The following CBARP variants were observed in gnomAD, a reference collection of about 807,000 sequenced individuals.
The protein encoded by CBARP is CACN subunit beta associated regulatory protein, also known as voltage-dependent calcium channel beta subunit-associated regulatory protein.
CBARP carries 24 observed loss-of-function variants against 36.3 expected under a neutral mutation model. The observed-to-expected ratio is 0.66, with a 90% CI of 0.48 to 0.93. CBARP has a LOEUF of 0.93. Ranked by LOEUF, CBARP falls within the 40% of genes least tolerant of loss-of-function variation. The pLI, the probability that CBARP is intolerant of heterozygous loss-of-function variation, is 0.00. For synonymous variants in CBARP, 586 were observed against 453.2 expected, an observed-to-expected ratio of 1.29 and a Z score of -3.72; for missense variants, 1,146 against 980.4, an observed-to-expected ratio of 1.17 and a Z score of -2.26.
chr19:1,230,033 C>T lies in CBARP; in HGVS notation c.1264G>A (p.Glu422Lys). The change falls in exon 10 of 10, where the codon GAG becomes AAG. Residue 422 changes from glutamate to lysine, a missense_variant. Physicochemically the swap from Glu to Lys is moderately conservative, Grantham distance 56 (BLOSUM62 1). Coordinates refer to ENST00000650044, the MANE Select transcript of CBARP (RefSeq NM_001393918.1). The stretch of plus-strand genomic sequence containing the variant: ...GCCTGCTCGGGGCCCGCGTCCCGCT[C>T]GGCGTCCGGCTCCAGTGGCGGCTGC... The part of the protein sequence containing the change: ...QQQPPLEPDA[E>K]RDAGPEQAQT... 1.6e-6 allele frequency: 2 copies of T among 1,223,878 alleles called. No homozygotes were observed. Among genetic ancestry groups the T allele is most frequent in the South Asian group, 1.3e-5 (1 of 74,320 alleles). 75.8% of individuals were successfully genotyped at this position (1,223,878 alleles called of 1,614,324 possible). A position where few individuals can be genotyped will look rare whatever the true frequency, so the allele number is the denominator to read the frequency against.
In CBARP at chr19:1,234,709, C is replaced by T. The variant is rs996327346; in HGVS notation, c.489G>A (p.Leu163=). 1.5e-5 allele frequency: 24 copies of T among 1,613,086 alleles called. No homozygotes were observed. The highest frequency in any genetic ancestry group is 2.7e-5 in the African/African-American group (2 of 74,906). Residue 163 remains leucine (L), a synonymous_variant, in exon 6 of 10, where the codon CTG becomes CTA. Coordinates refer to ENST00000650044, the MANE Select transcript of CBARP (RefSeq NM_001393918.1). ...GCAGGTGCGTGAGCCGGGCATTCTT[C>T]AGGTGGTGGAAGTCCCCCTCCGTCA... ...YTLTEGDFHH[L]KNARLTHLHL...
At position 1,229,734 on chromosome 19, in the gene CBARP, G is replaced by A. The variant is rs2080864725; in HGVS notation, c.1563C>T (p.Ala521=). 3 of 987,152 alleles carry A rather than the reference G, an allele frequency of 3.0e-6. 1 individual carries two copies. The South Asian group carries it at 1.2e-4, about 40-fold the overall frequency. 61.1% of individuals were successfully genotyped at this position (987,152 alleles called of 1,614,324 possible). ...RGAGDDTEPP[A]APARPRSPRA... ...GCGGGCTGCGGGGCCGGGCGGGCGC[G>A]GCAGGTGGCTCGGTGTCGTCGCCTG... The change falls in exon 10 of 10, where the codon GCC becomes GCT. Residue 521 remains alanine (A), a synonymous_variant. Coordinates refer to ENST00000650044, the MANE Select transcript of CBARP (RefSeq NM_001393918.1). This position sits in a 1 kb window ranked among gnomAD's most constrained non-coding sequence, Gnocchi z 5.1.
chr19:1,237,932 GGCGCGCCCGCTCC>G lies in CBARP; in HGVS notation c.-211_-199del, dbSNP rs958475492. The G allele has an allele frequency of 6.8e-6, 1 of 146,912 alleles. No individual in the cohort carries two copies. The highest frequency in any genetic ancestry group is 1.5e-5 in the Non-Finnish European group (1 of 66,038). The allele number at this position is 146,912 out of a possible 1,614,324, so 9.1% of individuals were successfully genotyped here. A position where few individuals can be genotyped will look rare whatever the true frequency, so the allele number is the denominator to read the frequency against. ...GGGCCGCGCACGTGACCGCGTTGGCGGCGCGCCCGCTCCGCGCGCCCGGTGCTGCCCGGTCCCC... is the reference window on the plus strand; with the variant it reads ...GGGCCGCGCACGTGACCGCGTTGGCGGCGCGCCCGGTGCTGCCCGGTCCCC... On this transcript the variant is annotated 5_prime_UTR_variant, in exon 1 of 10. Coordinates refer to ENST00000650044, the MANE Select transcript of CBARP (RefSeq NM_001393918.1).
Position 1,234,642 on chromosome 19 carries a change from A to C in CBARP, c.556T>G (p.Ser186Ala), listed in dbSNP as rs573391306. ...LKIVTIHECD[S>A]GEASSATTPH... is the part of the protein sequence containing the mutation. ...GTGGTGGCTGAGCTGGCCTCGCCTG[A>C]GTCACACTCGTGGATGGTGACAATC... The change falls in exon 6 of 10, where the codon TCA becomes GCA. Residue 186 changes from serine to alanine, a missense_variant. Transcript: ENST00000650044. 1 of 1,611,292 alleles carries C rather than the reference A, an allele frequency of 6.2e-7. No individual in the cohort carries two copies. Among genetic ancestry groups the C allele is most frequent in the South Asian group, 1.1e-5 (1 of 90,312 alleles).
chr19:1,229,550 G>A lies in CBARP; in HGVS notation c.1747C>T (p.Arg583Cys). The A allele has an allele frequency of 9.9e-7, 1 of 1,007,016 alleles. No individual in the cohort carries two copies. The highest frequency in any genetic ancestry group is 1.2e-6 in the Non-Finnish European group (1 of 840,050). 62.4% of individuals were successfully genotyped at this position (1,007,016 alleles called of 1,614,324 possible). The change falls in exon 10 of 10, where the codon CGT (arginine) becomes TGT (cysteine). Residue 583 changes from arginine to cysteine, a missense_variant. Arg to Cys is a radical substitution (Grantham distance 180). Transcript: ENST00000650044. The surrounding 1 kb of genome is among the most constrained non-coding windows in gnomAD (Gnocchi z 5.1). ...AHPHARKQWQRGRQHSDPGAR... is the reference protein window; with the variant it reads ...AHPHARKQWQCGRQHSDPGAR... ...CCGGGGTCGCTGTGCTGCCGGCCAC[G>A]CTGCCACTGTTTGCGGGCGTGCGGG...
rs1410240896 is a variant in CBARP, at chr19:1,231,142, G to A, written c.1113C>T (p.His371=). The A allele has an allele frequency of 7.5e-6, 12 of 1,601,302 alleles. No individual in the cohort carries two copies. Among genetic ancestry groups the A allele is most frequent in the South Asian group, 2.2e-5 (2 of 90,550 alleles). The change falls in exon 9 of 10, where the codon CAC becomes CAT. Residue 371 remains histidine (H), a synonymous_variant. Transcript: ENST00000650044. The part of the protein sequence containing the change: ...ARAGDAVAFP[H]PRPFLASPPP... ...GCGGGCTGGCCAGAAAGGGGCGGGG[G>A]TGCGGGAAGGCCACGGCGTCGCCCG... is the stretch of plus-strand genomic sequence containing the variant.
At chr19:1,237,204 A>G (rs2080987219) in intron 1 of CBARP, among the ~76,000 whole-genome samples, 2 of 152,206 alleles carry the variant, frequency 1.3e-5, no homozygotes, top group South Asian at 4.1e-4. Context: ...ACTGAGGCCC[A>G]AAGCCGGGCA....
At chr19:1,234,107 T>G in intron 7 of CBARP, 84 bp downstream of exon 7, 14 of 1,384,624 alleles carry the variant, frequency 1.0e-5, no homozygotes, top group Non-Finnish European at 1.2e-5. Context: ...GGTCATAGGT[T>G]GACCTTGGTC....
chr19:1,235,764 G>C lies in CBARP; in HGVS notation c.245+15C>G. On this transcript the variant is annotated intron_variant, in intron 3 of 9. Coordinates refer to ENST00000650044, the MANE Select transcript of CBARP (RefSeq NM_001393918.1). ...ACCACCATGCACCTGCCCAGCCGAG[G>C]TGGGGGCCTCGCACCTGTTGAGGCG... 1 of 1,606,572 alleles carries C rather than the reference G, an allele frequency of 6.2e-7. No homozygotes were observed. The highest frequency in any genetic ancestry group is 1.1e-5 in the South Asian group (1 of 91,080).
intron 9 of CBARP, chr19:1,230,719 G>A (rs1311041797): frequency 7.8e-7 from 1 of 1,280,938 alleles, no homozygotes; most frequent in African/African-American, 1.5e-5. Flanking sequence ...GCTGGCCGGA[G>A]TGGTCACAGC....
rs766107526 is a variant in CBARP, at chr19:1,235,984, C to T, written c.105+12G>A. 14 of 1,572,642 alleles carry T rather than the reference C, an allele frequency of 8.9e-6. No individual in the cohort carries two copies. The highest frequency in any genetic ancestry group is 1.1e-5 in the Non-Finnish European group (13 of 1,156,398). ...CGACCTCCTGCCCCTCCCACCTGTC[C>T]CCTGCACCCACCGTGGGGCGTCCAG... On this transcript the variant is annotated intron_variant, in intron 2 of 9. Coordinates refer to ENST00000650044, the MANE Select transcript of CBARP (RefSeq NM_001393918.1).
chr19:1,236,475 G>A (rs545718603), intron 1 of CBARP, among the ~76,000 whole-genome samples: 9 of 152,168 alleles, frequency 5.9e-5, no homozygotes, highest in Non-Finnish European at 1.0e-4. Flanking sequence ...GAATGGGGAC[G>A]CCAAGGCGGT....
Position 1,229,934 on chromosome 19 carries a change from T to A in CBARP, c.1363A>T (p.Ser455Cys). ...ELHAAASDHSSSGNDRDSVRS... is the reference protein window; with the variant it reads ...ELHAAASDHSCSGNDRDSVRS... The stretch of plus-strand genomic sequence containing the variant: ...ACCGAGTCGCGGTCGTTGCCGCTGC[T>A]GCTGTGGTCCGAGGCGGCCGCATGC... Residue 455 changes from serine (S) to cysteine (C), a missense_variant, in exon 10 of 10, where the codon AGC (serine) becomes TGC (cysteine). Physicochemically the swap from Ser to Cys is moderately radical, Grantham distance 112 (BLOSUM62 -1). Transcript: ENST00000650044. This position sits in a 1 kb window ranked among gnomAD's most constrained non-coding sequence, Gnocchi z 5.1. 1 of 1,180,514 alleles carries A rather than the reference T, an allele frequency of 8.5e-7. No homozygotes were observed. The highest frequency in any genetic ancestry group is 1.1e-6 in the Non-Finnish European group (1 of 932,194). The allele number at this position is 1,180,514 out of a possible 1,614,324, so 73.1% of individuals were successfully genotyped here.
At position 1,230,002 on chromosome 19, in the gene CBARP, G is replaced by C; in HGVS notation, c.1295C>G (p.Thr432Ser). ...CAGGCTCCACAGGTCGCGGTAGCTG[G>C]TCTGGGCCTGCTCGGGGCCCGCGTC... is the stretch of plus-strand genomic sequence containing the variant. ...ERDAGPEQAQ[T>S]SYRDLWSLRA... Residue 432 changes from threonine (T) to serine (S), a missense_variant, in exon 10 of 10, where the codon ACC becomes AGC. Thr to Ser is a moderately conservative substitution (Grantham distance 58). Coordinates refer to ENST00000650044, the MANE Select transcript of CBARP (RefSeq NM_001393918.1). 1 of 1,236,344 alleles carries C rather than the reference G, an allele frequency of 8.1e-7. No individual in the cohort carries two copies. Among genetic ancestry groups the C allele is most frequent in the Non-Finnish European group, 1.0e-6 (1 of 967,088 alleles). The allele number at this position is 1,236,344 out of a possible 1,614,324, so 76.6% of individuals were successfully genotyped here. A position where few individuals can be genotyped will look rare whatever the true frequency, so the allele number is the denominator to read the frequency against.
intron 2 of CBARP, 35 bp from the exon 3 acceptor site, chr19:1,235,953 C>G: frequency 1.3e-6 from 2 of 1,591,434 alleles, no homozygotes; most frequent in Non-Finnish European, 1.7e-6. Flanking sequence ...GTGCTGCTGG[C>G]CTGGACGACC....
intron 2 of CBARP, 31 bp downstream of exon 2, chr19:1,235,965 C>A: frequency 6.3e-7 from 1 of 1,585,230 alleles, no homozygotes; most frequent in Non-Finnish European, 8.6e-7. Context: ...TGGACGACCT[C>A]CTGCCCCTCC....
At chr19:1,235,455 G>T in intron 4 of CBARP, 46 bp downstream of exon 4, 1 of 1,524,054 alleles carries the variant, frequency 6.6e-7, no homozygotes, top group Non-Finnish European at 8.8e-7. Context: ...GTGGCCGAGG[G>T]GCGGATGGAC....
intron 8 of CBARP, among the ~76,000 whole-genome samples, chr19:1,232,492 C>T (rs1338413185): frequency 2.6e-5 from 4 of 152,160 alleles, no homozygotes; most frequent in Non-Finnish European, 5.9e-5. Flanking sequence ...GGCCCCAGCC[C>T]CTCTGGGCTG....
rs1014935547 is a variant in CBARP at position 1,229,090 on chromosome 19, G to T, written c.*89C>A. On this transcript the variant is annotated 3_prime_UTR_variant, in exon 10 of 10. Coordinates refer to ENST00000650044, the MANE Select transcript of CBARP (RefSeq NM_001393918.1). The surrounding 1 kb of genome is among the most constrained non-coding windows in gnomAD (Gnocchi z 5.1). The stretch of plus-strand genomic sequence containing the variant: ...CCCGCGGTCCCCGCGCATTCGCGTC[G>T]GGGCGTCGCGCCCCCACGTCTCTCC... 12 of 399,116 alleles carry T rather than the reference G, an allele frequency of 3.0e-5. No homozygotes were observed. The highest frequency in any genetic ancestry group is 4.1e-5 in the Non-Finnish European group (12 of 293,006). 24.7% of individuals were successfully genotyped at this position (399,116 alleles called of 1,614,324 possible). A position where few individuals can be genotyped will look rare whatever the true frequency, so the allele number is the denominator to read the frequency against.
Sources: allele counts gnomAD v4.1 joint callset (sites outside exome capture counted in the v4.1 genomes callset), GRCh38; gene constraint gnomAD v4.1.1; non-coding constraint Gnocchi (gnomAD v3.1); transcripts MANE v1.5; gene names NCBI Gene and HGNC (gene_info 2026-07-23, HGNC 2026-07-21).